The following MAD2L1BP variants were observed in gnomAD, a reference collection of about 807,000 sequenced individuals.
The protein encoded by MAD2L1BP is MAD2L1 binding protein.
A neutral mutation model predicts 28.4 loss-of-function variants in MAD2L1BP; 22 were observed. The observed-to-expected ratio is 0.77, with a 90% CI of 0.55 to 1.10. The LOEUF is 1.10. Among genes scored for constraint, MAD2L1BP ranks in the 50% least tolerant of loss-of-function variants. The pLI is 0.00. For synonymous variants in MAD2L1BP, 146 were observed against 133.7 expected, an observed-to-expected ratio of 1.09 and a Z score of -0.63; for missense variants, 325 against 350.5, an observed-to-expected ratio of 0.93 and a Z score of 0.58.
At position 43,640,365 on chromosome 6, in the gene MAD2L1BP, C is replaced by T; in HGVS notation, c.657C>T (p.Arg219=). 6.2e-7 allele frequency: 1 copy of T among 1,613,982 alleles called. No individual in the cohort carries two copies. Among genetic ancestry groups the T allele is most frequent in the Non-Finnish European group, 8.5e-7 (1 of 1,180,002 alleles). Residue 219 remains arginine (R), a synonymous_variant, in exon 3 of 3, where the codon CGC becomes CGT. Coordinates refer to ENST00000372171, the MANE Select transcript of MAD2L1BP (RefSeq NM_014628.3). The part of the protein sequence containing the change: ...MGTVVMAQGH[R]NCGEDWFRPK... ...CCGTCGTCATGGCACAGGGACACCG[C>T]AACTGTGGAGAAGATTGGTTTCGAC...
chr6:43,636,718 G>A, intron 2 of MAD2L1BP, 72 bp downstream of exon 2: 2 of 1,536,254 alleles, frequency 1.3e-6, no homozygotes, highest in Non-Finnish European at 1.8e-6. Flanking sequence ...GGTAGAAAGG[G>A]GGTCTAAGAA....
At chr6:43,638,277 G>C (rs1391316995) in intron 2 of MAD2L1BP, among the ~76,000 whole-genome samples, 1 of 151,732 alleles carries the variant, frequency 6.6e-6, no homozygotes, top group African/African-American at 2.4e-5. Flanking sequence ...CCTGACCTCA[G>C]GTTATCCACC....
In MAD2L1BP at chr6:43,640,401, C is replaced by T; in HGVS notation, c.693C>T (p.Asn231=). The T allele has an allele frequency of 6.2e-7, 1 of 1,613,988 alleles. No individual in the cohort carries two copies. Among genetic ancestry groups the T allele is most frequent in the Non-Finnish European group, 8.5e-7 (1 of 1,180,026 alleles). The change falls in exon 3 of 3, where the codon AAC becomes AAT. Residue 231 remains asparagine, a synonymous_variant. Transcript: ENST00000372171. ...CGEDWFRPKL[N]YRVPSRGHKL... The stretch of plus-strand genomic sequence containing the variant: ...AAGATTGGTTTCGACCCAAGCTCAA[C>T]TATCGAGTGCCCAGCCGGGGCCATA...
At chr6:43,633,117 G>A (rs943402908), upstream of MAD2L1BP, 3 of 399,392 alleles carry the variant, frequency 7.5e-6, no homozygotes, top group Admixed American at 6.0e-5. Context: ...CAAAATGCTG[G>A]GATTATAGGC....
upstream of MAD2L1BP, among the ~76,000 whole-genome samples, chr6:43,634,547 CTCTT>C (rs1442845099): frequency 6.6e-6 from 1 of 151,888 alleles, no homozygotes; most frequent in African/African-American, 2.4e-5. Flanking sequence ...TCTTGTCAGT[CTCTT>C]TCTTTTTTTT....
At chr6:43,630,500 G>T (rs1006098970) in intron 1 of MAD2L1BP, among the ~76,000 whole-genome samples, 1 of 152,104 alleles carries the variant, frequency 6.6e-6, no homozygotes, top group African/African-American at 2.4e-5. Context: ...CAGCACTTTG[G>T]GAGGCCAAGG....
chr6:43,636,584 C>G lies in MAD2L1BP; in HGVS notation c.250C>G (p.Arg84Gly). Residue 84 changes from arginine (R) to glycine (G), a missense_variant, in exon 2 of 3, where the codon CGC (arginine) becomes GGC (glycine). Physicochemically the swap from Arg to Gly is moderately radical, Grantham distance 125. Transcript: ENST00000372171. ...ACTTCTAAAGCATATCATGTATCAA[C>G]GCCAGCAGCTCCCTCTGCCCTATGA... Reference protein sequence around the residue: ...CELLKHIMYQRQQLPLPYEQL... With the variant: ...CELLKHIMYQGQQLPLPYEQL... 1.2e-6 allele frequency: 2 copies of G among 1,614,196 alleles called. No homozygotes were observed. Among genetic ancestry groups the G allele is most frequent in the East Asian group, 2.2e-5 (1 of 44,890 alleles).
Position 43,640,233 on chromosome 6 carries a change from C to T in MAD2L1BP, c.525C>T (p.Tyr175=). 1.2e-6 allele frequency: 2 copies of T among 1,613,956 alleles called. No individual in the cohort carries two copies. The highest frequency in any genetic ancestry group is 2.2e-5 in the East Asian group (1 of 44,860). The change falls in exon 3 of 3, where the codon TAC becomes TAT. Residue 175 remains tyrosine, a synonymous_variant. Transcript: ENST00000372171. ...TCGACTTGTCTCTGCTGGCCCCCTA[C>T]AGCGTGGACCAGAGCCTGAGCACAG... ...YELDLSLLAP[Y]SVDQSLSTAA...
rs1174832062 is a variant in MAD2L1BP, at chr6:43,635,849, G to T, written c.-27G>T. On this transcript the variant is annotated 5_prime_UTR_variant, in exon 1 of 3. Transcript: ENST00000372171. ...GCCCCGCGAGACCTTTATTCTAACC[G>T]CAAGGAGTAGCGGAGGGGAGGTCGT... 6.8e-7 allele frequency: 1 copy of T among 1,466,148 alleles called. No homozygotes were observed. 90.8% of individuals were successfully genotyped at this position (1,466,148 alleles called of 1,614,324 possible). A position where few individuals can be genotyped will look rare whatever the true frequency, so the allele number is the denominator to read the frequency against.
chr6:43,630,237 C>T (rs1398006183), intron 1 of MAD2L1BP, among the ~76,000 whole-genome samples: 1 of 152,090 alleles, frequency 6.6e-6, no homozygotes, highest in Non-Finnish European at 1.5e-5. Flanking sequence ...AGTGCTGTTG[C>T]ACTCTACAGA....
chr6:43,640,378 G>A lies in MAD2L1BP; in HGVS notation c.670G>A (p.Asp224Asn), dbSNP rs1341177849. The change falls in exon 3 of 3, where the codon GAT becomes AAT. Residue 224 changes from aspartate (D) to asparagine (N), a missense_variant. Physicochemically the swap from Asp to Asn is conservative, Grantham distance 23. Coordinates refer to ENST00000372171, the MANE Select transcript of MAD2L1BP (RefSeq NM_014628.3). ...MAQGHRNCGE[D>N]WFRPKLNYRV... ...ACAGGGACACCGCAACTGTGGAGAA[G>A]ATTGGTTTCGACCCAAGCTCAACTA... The A allele has an allele frequency of 1.9e-6, 3 of 1,613,898 alleles. No homozygotes were observed. The highest frequency in any genetic ancestry group is 1.6e-4 in the Middle Eastern group (1 of 6,082).
chr6:43,634,919 C>T (rs1770117884), upstream of MAD2L1BP, among the ~76,000 whole-genome samples: 1 of 152,140 alleles, frequency 6.6e-6, no homozygotes, highest in African/African-American at 2.4e-5. Flanking sequence ...GTTATGTTCA[C>T]TGGACCTCCT....
At chr6:43,632,205 T>A (rs1341729522), upstream of MAD2L1BP, among the ~76,000 whole-genome samples, 1 of 151,126 alleles carries the variant, frequency 6.6e-6, no homozygotes, top group Non-Finnish European at 1.5e-5. Context: ...CGGCCCTGTT[T>A]ATTTTTTAAG....
chr6:43,629,679 G>A (rs116563579), exon 1 of MAD2L1BP: 37,276 of 1,508,254 alleles, frequency 0.025, 483 homozygotes, highest in Non-Finnish European at 0.03. Flanking sequence ...TTTGGACCTC[G>A]AGAGCTGCAG....
At chr6:43,630,000 ATTCCTCC>A (rs142151775) in intron 1 of MAD2L1BP, among the ~76,000 whole-genome samples, 1 of 152,314 alleles carries the variant, frequency 6.6e-6, no homozygotes, top group East Asian at 1.9e-4. Context: ...CAAAGCGAGT[ATTCCTCC>A]TCCCCTTTGT....
chr6:43,636,750 A>G, intron 2 of MAD2L1BP, 104 bp downstream of exon 2: 1 of 1,374,090 alleles, frequency 7.3e-7, no homozygotes, highest in South Asian at 1.4e-5. Flanking sequence ...CTGAGAGAAT[A>G]AGCAGCTTCC....
chr6:43,635,336 G>T (rs75299278), upstream of MAD2L1BP, among the ~76,000 whole-genome samples: 2,723 of 152,268 alleles, frequency 0.018, 25 homozygotes, highest in Non-Finnish European at 0.03. Context: ...TTACCTTGTT[G>T]ACTTATCCTA....
Position 43,640,009 on chromosome 6 carries a change from T to G in MAD2L1BP, c.313-12T>G. 1 of 1,513,336 alleles carries G rather than the reference T, an allele frequency of 6.6e-7. No individual in the cohort carries two copies. The highest frequency in any genetic ancestry group is 1.3e-5 in the South Asian group (1 of 75,050). 93.7% of individuals were successfully genotyped at this position (1,513,336 alleles called of 1,614,324 possible). On this transcript the variant is annotated splice_polypyrimidine_tract_variant and intron_variant, in intron 2 of 2. Transcript: ENST00000372171. ...CCTTGTTCTTCTCTCCCACCATTCT[T>G]TGTCCTCACAGGCAGAGGAGATGCT...
chr6:43,635,238 C>T (rs73428637), upstream of MAD2L1BP, among the ~76,000 whole-genome samples: 722 of 152,298 alleles, frequency 4.7e-3, 8 homozygotes, highest in African/African-American at 0.016. Context: ...TCACTACAGC[C>T]TTAACTCTTT....
Sources: gnomAD v4.1 joint callset for allele counts (sites outside exome capture counted in the v4.1 genomes callset) on GRCh38, gnomAD v4.1.1 for gene constraint, MANE v1.5 for transcripts, NCBI Gene and HGNC (gene_info 2026-07-23, HGNC 2026-07-21) for gene names.